The following ALMS1 variants were observed in gnomAD, a reference collection of about 807,000 sequenced individuals.
ALMS1 encodes the protein ALMS1 centrosome and basal body associated protein, also known as centrosome-associated protein ALMS1.
A neutral mutation model predicts 352.2 loss-of-function variants in ALMS1; 271 were observed. The ratio of observed to expected loss-of-function variants is 0.77; its 90% confidence interval spans 0.70 to 0.85. The LOEUF (loss-of-function observed/expected upper bound fraction) is 0.85. Ranked by LOEUF, ALMS1 falls within the 40% of genes least tolerant of loss-of-function variation. The probability of loss-of-function intolerance (pLI) is 0.00; values close to 1 mark genes in which losing one functional copy is unlikely to be tolerated. For synonymous variants in ALMS1, 1,865 were observed against 1,761.2 expected (o/e 1.06, Z -1.48); for missense variants, 5,445 against 4,870.7 (o/e 1.12, Z -3.51).
intron 12 of ALMS1, among the ~76,000 whole-genome samples, chr2:73,538,933 G>C (rs558925869): frequency 3.3e-5 from 5 of 152,306 alleles, no homozygotes; most frequent in Non-Finnish European, 5.9e-5. Context: ...ATGCCTGCCT[G>C]CCTCTGTAGA....
chr2:73,554,192 A>G (rs1161622035), intron 13 of ALMS1, among the ~76,000 whole-genome samples: 2 of 152,078 alleles, frequency 1.3e-5, no homozygotes, highest in East Asian at 3.8e-4. Flanking sequence ...CTGACTAAAG[A>G]AAAGCTAGTG....
intron 16 of ALMS1, among the ~76,000 whole-genome samples, chr2:73,594,943 G>C (rs1675514264): frequency 6.6e-6 from 1 of 152,330 alleles, no homozygotes; most frequent in South Asian, 2.1e-4. Flanking sequence ...GCTTCAGGTA[G>C]TGAGAGCGTA....
chr2:73,584,479 G>T (rs1675264820), intron 16 of ALMS1, among the ~76,000 whole-genome samples: 1 of 152,068 alleles, frequency 6.6e-6, no homozygotes, highest in South Asian at 2.1e-4. Context: ...TTATGTTCTT[G>T]CAAATTTGAG....
At chr2:73,412,525 C>T (rs1671099401) in intron 2 of ALMS1, among the ~76,000 whole-genome samples, 1 of 152,116 alleles carries the variant, frequency 6.6e-6, no homozygotes, top group African/African-American at 2.4e-5. Flanking sequence ...CGTGGTGGCT[C>T]ACGCCTGTAA....
Position 73,502,059 on chromosome 2 carries a change from A to T in ALMS1, c.9539+10561A>T, listed in dbSNP as rs1673230489. Among the ~76,000 whole-genome samples, 3 of 152,078 alleles carry T rather than the reference A, an allele frequency of 2.0e-5. No homozygotes were observed. In the South Asian group the frequency reaches 6.2e-4, roughly 31 times the overall value. ...TAAAATTTAAGTTTTCTCATTGTTC[A>T]TTGCTTATATATAGAAATACTGTTG... On this transcript the variant is annotated intron_variant, in intron 10 of 22. Transcript: ENST00000613296.
In ALMS1 at chr2:73,417,858, G is replaced by A. The variant is rs1048149878; in HGVS notation, c.451-1265G>A. 3.9e-5 allele frequency among the ~76,000 whole-genome samples: 6 copies of A among 152,090 alleles called. No homozygotes were observed. In the South Asian group the frequency reaches 8.3e-4, roughly 21 times the overall value. Reference sequence around the variant, plus strand: ...CAAAAGGAAAATACCTTTTAAACTTGTCACCATTAGTATTTAATACGACTT... The same window carrying A: ...CAAAAGGAAAATACCTTTTAAACTTATCACCATTAGTATTTAATACGACTT... On this transcript the variant is annotated intron_variant, in intron 2 of 22. Transcript: ENST00000613296.
intron 16 of ALMS1, among the ~76,000 whole-genome samples, chr2:73,583,913 G>A (rs1436685619): frequency 1.3e-5 from 2 of 152,180 alleles, no homozygotes; most frequent in Non-Finnish European, 2.9e-5. Context: ...ATCAGGAAGT[G>A]TGAATACTCC....
chr2:73,519,451 C>A (rs1300164298), intron 10 of ALMS1, among the ~76,000 whole-genome samples: 1 of 152,060 alleles, frequency 6.6e-6, no homozygotes, highest in Non-Finnish European at 1.5e-5. Context: ...AGCACAGTCC[C>A]CTAATTTATG....
At chr2:73,430,482 A>G (rs1224277972) in intron 6 of ALMS1, among the ~76,000 whole-genome samples, 4 of 152,232 alleles carry the variant, frequency 2.6e-5, no homozygotes, top group Non-Finnish European at 5.9e-5. Context: ...TGAAAGCTGT[A>G]GAAGAAAAAC....
At chr2:73,567,758 T>C (rs1223769604) in intron 15 of ALMS1, among the ~76,000 whole-genome samples, 1 of 152,106 alleles carries the variant, frequency 6.6e-6, no homozygotes, top group Non-Finnish European at 1.5e-5. Context: ...GTATAAAAGA[T>C]CCAAGTATAA....
In ALMS1 at chr2:73,601,182, C is replaced by A. The variant is rs953367126; in HGVS notation, c.11873-13C>A. 1.2e-6 allele frequency: 2 copies of A among 1,613,924 alleles called. No homozygotes were observed. Among genetic ancestry groups the A allele is most frequent in the Admixed American group, 3.3e-5 (2 of 60,002 alleles). The stretch of plus-strand genomic sequence containing the variant: ...GAAAAATCTGTGTTCCTTCTAAAAA[C>A]TGTTTCCTGTAGGAGTTTCCTGGTT... On this transcript the variant is annotated splice_polypyrimidine_tract_variant and intron_variant, in intron 18 of 22. Transcript: ENST00000613296.
chr2:73,520,268 A>G (rs1673649895), intron 11 of ALMS1, among the ~76,000 whole-genome samples: 1 of 152,204 alleles, frequency 6.6e-6, no homozygotes, highest in Non-Finnish European at 1.5e-5. Flanking sequence ...TTGTCTCATC[A>G]TATTTGCAAT....
At chr2:73,566,722 C>A (rs1674808613) in intron 15 of ALMS1, among the ~76,000 whole-genome samples, 1 of 152,114 alleles carries the variant, frequency 6.6e-6, no homozygotes, top group Admixed American at 6.5e-5. Flanking sequence ...GGGTTCAGTC[C>A]CACAAGACTG....
intron 9 of ALMS1, chr2:73,459,132 A>G (rs956119155): frequency 2.0e-5 from 3 of 152,122 alleles, no homozygotes; most frequent in African/African-American, 7.2e-5. Context: ...ATTTTTGAAG[A>G]GTACAACCTA....
intron 9 of ALMS1, among the ~76,000 whole-genome samples, chr2:73,485,051 G>A (rs571584338): frequency 3.9e-4 from 59 of 152,122 alleles, no homozygotes; most frequent in African/African-American, 1.2e-3. Flanking sequence ...TAATTTGATC[G>A]TCTGAAGCCT....
intron 9 of ALMS1, among the ~76,000 whole-genome samples, chr2:73,483,409 C>A (rs931959916): frequency 4.0e-5 from 6 of 151,624 alleles, no homozygotes; most frequent in African/African-American, 1.5e-4. Flanking sequence ...ATCTTGAGTT[C>A]TAGTTTGATT....
chr2:73,427,330 A>C (rs1272937810), intron 6 of ALMS1, among the ~76,000 whole-genome samples: 1 of 152,174 alleles, frequency 6.6e-6, no homozygotes, highest in Non-Finnish European at 1.5e-5. Flanking sequence ...TTAACGTCCA[A>C]ACTGGCCAGT....
At position 73,448,607 on chromosome 2, in the gene ALMS1, A is replaced by C; in HGVS notation, c.2080A>C (p.Lys694Gln). Residue 694 changes from lysine (K) to glutamine (Q), a missense_variant, in exon 8 of 23, where the codon AAA becomes CAA. Coordinates refer to ENST00000613296, the MANE Select transcript of ALMS1 (RefSeq NM_001378454.1). ...PDGHLTDQALKVSAVSGPADQ... is the reference protein window; with the variant it reads ...PDGHLTDQALQVSAVSGPADQ... ...TGGTCATCTAACTGATCAGGCTCTG[A>C]AAGTCTCAGCTGTGTCTGGACCAGC... 2 of 1,613,930 alleles carry C rather than the reference A, an allele frequency of 1.2e-6. No homozygotes were observed.
At chr2:73,439,840 T>C (rs946570812) in intron 7 of ALMS1, among the ~76,000 whole-genome samples, 15 of 152,120 alleles carry the variant, frequency 9.9e-5, no homozygotes, top group African/African-American at 3.6e-4. Flanking sequence ...ATTTATACAA[T>C]TTATACCTAA....
Sources: gnomAD v4.1 joint callset for allele counts (sites outside exome capture counted in the v4.1 genomes callset) on GRCh38, gnomAD v4.1.1 for gene constraint, MANE v1.5 for transcripts, NCBI Gene and HGNC (gene_info 2026-07-23, HGNC 2026-07-21) for gene names.